Variants in NAV3 observed in about 807,000 individuals in gnomAD.
The protein encoded by NAV3 is neuron navigator 3.
In NAV3, 87 loss-of-function variants were observed where a neutral mutation model predicts 244.7. The ratio of observed to expected loss-of-function variants is 0.36; its 90% confidence interval spans 0.30 to 0.42. The LOEUF is 0.42. Ranked by LOEUF, NAV3 falls within the 20% of genes least tolerant of loss-of-function variation. NAV3 has a pLI of 1.00. For synonymous variants in NAV3, 1,126 were observed against 1,042.2 expected, an observed-to-expected ratio of 1.08 and a Z score of -1.55; for missense variants, 2,663 against 2,893.3, an observed-to-expected ratio of 0.92 and a Z score of 1.83.
intron 34 of NAV3, among the ~76,000 whole-genome samples, chr12:78,195,854 T>G (rs2139964829): frequency 6.6e-6 from 1 of 152,144 alleles, no homozygotes; most frequent in Middle Eastern, 3.4e-3. Flanking sequence ...TAAATTCCAG[T>G]CCCTAATGTG....
At position 78,190,176 on chromosome 12, in the gene NAV3, A is replaced by G. The variant is rs781028579; in HGVS notation, c.6248A>G (p.Glu2083Gly). The G allele has an allele frequency of 6.2e-7, 1 of 1,612,810 alleles. No homozygotes were observed. The highest frequency in any genetic ancestry group is 1.1e-5 in the South Asian group (1 of 91,048). Reference sequence around the variant, plus strand: ...ACCAAATCTGGAAGGAAAAAAACAGAGGATGCAATTGCCACTTTTAATGTG... The same window carrying G: ...ACCAAATCTGGAAGGAAAAAAACAGGGGATGCAATTGCCACTTTTAATGTG... ...VITKSGRKKTEDAIATFNVDH... is the reference protein window; with the variant it reads ...VITKSGRKKTGDAIATFNVDH... Residue 2083 changes from glutamate to glycine, a missense_variant, in exon 34 of 40, where the codon GAG becomes GGG. Physicochemically the swap from Glu to Gly is moderately conservative, Grantham distance 98. Around this residue, in one of 6 missense-constraint regions of NAV3, gnomAD observed 543 missense variants for 672.4 expected, o/e 0.81. Coordinates refer to ENST00000397909, the MANE Select transcript of NAV3 (RefSeq NM_001024383.2).
At chr12:78,121,822 A>G in intron 15 of NAV3, 118 bp from the exon 16 acceptor site, 4 of 1,252,084 alleles carry the variant, frequency 3.2e-6, no homozygotes. Context: ...AGAGACAGGA[A>G]GTGCTTTGTA....
chr12:77,840,993 T>C (rs1875541970), intron 1 of NAV3, among the ~76,000 whole-genome samples: 1 of 152,246 alleles, frequency 6.6e-6, no homozygotes, highest in Non-Finnish European at 1.5e-5. Context: ...AAATTTCACT[T>C]TGGACTCTTC....
intron 2 of NAV3, among the ~76,000 whole-genome samples, chr12:77,696,454 T>A (rs1250725119): frequency 6.6e-6 from 1 of 152,082 alleles, no homozygotes; most frequent in Non-Finnish European, 1.5e-5. Flanking sequence ...ATTTTGCCAA[T>A]AACCATATGC....
intron 12 of NAV3, among the ~76,000 whole-genome samples, chr12:78,087,777 A>G (rs184809780): frequency 6.4e-4 from 97 of 152,076 alleles, no homozygotes; most frequent in African/African-American, 2.3e-3. Flanking sequence ...TTATGGTTCT[A>G]TGTATACTTT....
chr12:77,715,478 C>T (rs1469260427), intron 2 of NAV3, among the ~76,000 whole-genome samples: 2 of 151,610 alleles, frequency 1.3e-5, no homozygotes, highest in African/African-American at 2.4e-5. Context: ...CATTTACATA[C>T]ATTAATAAAT....
chr12:78,185,728 C>A (rs1484693412), intron 31 of NAV3, 30 bp downstream of exon 31: 2 of 1,553,858 alleles, frequency 1.3e-6, no homozygotes, highest in African/African-American at 1.4e-5. Context: ...CTCTTTATTA[C>A]TAACAATGAG....
At chr12:77,771,456 C>T (rs1387568272) in intron 2 of NAV3, among the ~76,000 whole-genome samples, 5 of 151,200 alleles carry the variant, frequency 3.3e-5, no homozygotes, top group Non-Finnish European at 7.4e-5. Flanking sequence ...TATAAAGACA[C>T]ATGCACATGC....
chr12:78,169,570 C>G (rs1244653269), intron 24 of NAV3, among the ~76,000 whole-genome samples: 1 of 151,686 alleles, frequency 6.6e-6, no homozygotes, highest in Non-Finnish European at 1.5e-5. Flanking sequence ...GTGAGCTCAG[C>G]TCTTTCCCAG....
chr12:78,044,313 A>G (rs921354016), intron 9 of NAV3, among the ~76,000 whole-genome samples: 31 of 152,182 alleles, frequency 2.0e-4, no homozygotes, highest in African/African-American at 6.8e-4. Flanking sequence ...TACCAGTACC[A>G]TGCTGTTTTG....
At chr12:78,209,504 T>G (rs1960677139) in intron 39 of NAV3, among the ~76,000 whole-genome samples, 1 of 152,078 alleles carries the variant, frequency 6.6e-6, no homozygotes, top group African/African-American at 2.4e-5. Context: ...TCTAAAATCA[T>G]TGAACCATTT....
At chr12:77,824,992 G>T (rs368503335) in intron 2 of NAV3, among the ~76,000 whole-genome samples, 4 of 152,092 alleles carry the variant, frequency 2.6e-5, no homozygotes, top group Admixed American at 1.3e-4. Flanking sequence ...ATACAGTCAG[G>T]ATACATAGAA....
chr12:78,183,336 C>A (rs774751232), intron 30 of NAV3, among the ~76,000 whole-genome samples: 16 of 151,854 alleles, frequency 1.1e-4, no homozygotes, highest in Admixed American at 7.2e-4. Context: ...AGAATAAACA[C>A]AAATAATGGC....
intron 2 of NAV3, among the ~76,000 whole-genome samples, chr12:77,700,053 C>G (rs1320791996): frequency 6.6e-6 from 1 of 152,140 alleles, no homozygotes; most frequent in African/African-American, 2.4e-5. Flanking sequence ...ATACCTCATT[C>G]TTTTCTTTCT....
chr12:77,910,590 T>G lies in NAV3; in HGVS notation c.244-29729T>G, dbSNP rs375191987. ...CCTATGTCTAAGTTTAATTTTGACCTGAACTTCAGCAATTGACTAGTGTCT... is the reference window on the plus strand; with the variant it reads ...CCTATGTCTAAGTTTAATTTTGACCGGAACTTCAGCAATTGACTAGTGTCT... On this transcript the variant is annotated intron_variant, in intron 1 of 39. Transcript: ENST00000397909. 1.4e-4 allele frequency among the ~76,000 whole-genome samples: 21 copies of G among 152,264 alleles called. No individual in the cohort carries two copies. In the South Asian group the frequency reaches 3.7e-3, roughly 27 times the overall value.
chr12:77,793,403 C>T (rs901312091), intron 2 of NAV3, among the ~76,000 whole-genome samples: 3 of 152,134 alleles, frequency 2.0e-5, no homozygotes, highest in Non-Finnish European at 4.4e-5. Context: ...TTGCTGCACC[C>T]ATCAACCTGT....
chr12:78,059,966 T>TGTGTG (rs1884089356), intron 12 of NAV3, among the ~76,000 whole-genome samples: 1 of 151,636 alleles, frequency 6.6e-6, no homozygotes. Flanking sequence ...TAAAGATGTG[T>TGTGTG]GTGTGTGTGT....
At chr12:78,129,677 AT>A (rs1452452740) in intron 18 of NAV3, among the ~76,000 whole-genome samples, 1 of 152,130 alleles carries the variant, frequency 6.6e-6, no homozygotes, top group Non-Finnish European at 1.5e-5. Context: ...TATTCTCATT[AT>A]TTTTATGGTA....
At chr12:78,012,493 C>A (rs1875476692) in intron 8 of NAV3, among the ~76,000 whole-genome samples, 1 of 152,138 alleles carries the variant, frequency 6.6e-6, no homozygotes, top group African/African-American at 2.4e-5. Flanking sequence ...TAATCTAATA[C>A]CCTGTTCACA....
Sources: gnomAD v4.1 joint callset for allele counts (sites outside exome capture counted in the v4.1 genomes callset) on GRCh38, gnomAD v4.1.1 for gene constraint, gnomAD v4.1.1 regional missense constraint, MANE v1.5 for transcripts, NCBI Gene and HGNC (gene_info 2026-07-23, HGNC 2026-07-21) for gene names.